SEMA5A: variants seen among roughly 807,000 people sequenced by gnomAD.
The protein encoded by SEMA5A is semaphorin 5A, also known as semaphorin-5A.
In SEMA5A, 55 loss-of-function variants were observed where a neutral mutation model predicts 135.5. That is an observed-to-expected ratio of 0.41 (90% CI 0.33 to 0.51). The LOEUF (loss-of-function observed/expected upper bound fraction) is 0.51, where lower values mean the gene tolerates loss of function less well. SEMA5A is among the 20% of genes least tolerant of loss of function. The pLI, the probability that SEMA5A is intolerant of heterozygous loss-of-function variation, is 0.37. For synonymous variants in SEMA5A, 580 were observed against 546.5 expected, an observed-to-expected ratio of 1.06 and a Z score of -0.85; for missense variants, 1,290 against 1,419.9, an observed-to-expected ratio of 0.91 and a Z score of 1.47.
At chr5:9,428,109 T>TTC in intron 2 of SEMA5A, among the ~76,000 whole-genome samples, 3 of 130,894 alleles carry the variant, frequency 2.3e-5, no homozygotes, top group Admixed American at 7.5e-5. Flanking sequence ...TATATATATA[T>TTC]ATATATATTC....
chr5:9,305,107 G>A (rs1751796741), intron 5 of SEMA5A, among the ~76,000 whole-genome samples: 2 of 151,910 alleles, frequency 1.3e-5, no homozygotes, highest in African/African-American at 4.8e-5. Flanking sequence ...CCTCATCCCA[G>A]GAATATTTTT....
At position 9,210,396 on chromosome 5, in the gene SEMA5A, T is replaced by G. The variant is rs555945841; in HGVS notation, c.647-8156A>C. ...CCACACTTTTGTACCCATAAAGGTC[T>G]GCATTAAATTACCACACAGGCTTTT... On this transcript the variant is annotated intron_variant, in intron 8 of 22. Coordinates refer to ENST00000382496, the MANE Select transcript of SEMA5A (RefSeq NM_003966.3). 2.0e-5 allele frequency among the ~76,000 whole-genome samples: 3 copies of G among 152,326 alleles called. No homozygotes were observed. The South Asian group carries it at 6.2e-4, about 32-fold the overall frequency.
intron 18 of SEMA5A, among the ~76,000 whole-genome samples, chr5:9,059,121 T>A (rs1297547614): frequency 6.6e-6 from 1 of 152,182 alleles, no homozygotes; most frequent in Non-Finnish European, 1.5e-5. Context: ...TTAAGTCTGA[T>A]GAAAAGAGTT....
chr5:9,396,587 C>G (rs1756412819), intron 2 of SEMA5A, among the ~76,000 whole-genome samples: 1 of 152,122 alleles, frequency 6.6e-6, no homozygotes, highest in South Asian at 2.1e-4. Context: ...AATGTTCCCC[C>G]TACCTAAAGC....
At chr5:9,081,013 A>G (rs1218783665) in intron 16 of SEMA5A, among the ~76,000 whole-genome samples, 1 of 152,226 alleles carries the variant, frequency 6.6e-6, no homozygotes, top group African/African-American at 2.4e-5. Flanking sequence ...GTACCTTACT[A>G]GAAAGAGATT....
chr5:9,177,559 G>A (rs758236622), intron 11 of SEMA5A, among the ~76,000 whole-genome samples: 6 of 152,156 alleles, frequency 3.9e-5, no homozygotes, highest in South Asian at 2.1e-4. Context: ...CTTGGCCTTC[G>A]TTGAAGATTG....
At chr5:9,049,663 T>G (rs2150038837) in intron 21 of SEMA5A, among the ~76,000 whole-genome samples, 1 of 152,310 alleles carries the variant, frequency 6.6e-6, no homozygotes, top group East Asian at 1.9e-4. Flanking sequence ...ATGTGGAAGT[T>G]AAGGTCTCAA....
At chr5:9,186,801 T>C (rs1279978069) in intron 11 of SEMA5A, among the ~76,000 whole-genome samples, 4 of 152,216 alleles carry the variant, frequency 2.6e-5, no homozygotes, top group Non-Finnish European at 5.9e-5. Context: ...ACCTAAAATA[T>C]TATGTTTTCT....
chr5:9,259,176 G>A (rs1237491410), intron 5 of SEMA5A, among the ~76,000 whole-genome samples: 1 of 152,118 alleles, frequency 6.6e-6, no homozygotes, highest in Non-Finnish European at 1.5e-5. Flanking sequence ...TTTGCTATCT[G>A]CCTTTCACTT....
intron 18 of SEMA5A, among the ~76,000 whole-genome samples, chr5:9,061,962 T>G (rs1737204688): frequency 6.6e-6 from 1 of 151,452 alleles, no homozygotes; most frequent in African/African-American, 2.4e-5. Context: ...GGAGGCCATG[T>G]GGGGGAGGGC....
At chr5:9,286,653 C>T (rs1750810139) in intron 5 of SEMA5A, among the ~76,000 whole-genome samples, 1 of 152,118 alleles carries the variant, frequency 6.6e-6, no homozygotes, top group African/African-American at 2.4e-5. Flanking sequence ...GTTCCTTATT[C>T]ATATGTTTTT....
chr5:9,471,857 C>T (rs1759489765), intron 1 of SEMA5A, among the ~76,000 whole-genome samples: 1 of 152,192 alleles, frequency 6.6e-6, no homozygotes, highest in African/African-American at 2.4e-5. Flanking sequence ...ATTAAATGCT[C>T]TGTGGTATGC....
chr5:9,308,446 C>T (rs1751974944), intron 5 of SEMA5A, among the ~76,000 whole-genome samples: 1 of 152,094 alleles, frequency 6.6e-6, no homozygotes, highest in African/African-American at 2.4e-5. Context: ...CGGGTTGAGG[C>T]TATACTCCAG....
chr5:9,472,151 A>G lies in SEMA5A; in HGVS notation c.-174-34299T>C, dbSNP rs180694881. 1.7e-4 allele frequency among the ~76,000 whole-genome samples: 26 copies of G among 152,316 alleles called. No individual in the cohort carries two copies. In the East Asian group the frequency reaches 3.1e-3, roughly 18 times the overall value. The stretch of plus-strand genomic sequence containing the variant: ...TATTGACTATTGACTCATTGCTTCT[A>G]TCTCTCAAATACACACAACCAATCA... On this transcript the variant is annotated intron_variant, in intron 1 of 22. Coordinates refer to ENST00000382496, the MANE Select transcript of SEMA5A (RefSeq NM_003966.3).
chr5:9,483,474 CAAA>C (rs951137969), intron 1 of SEMA5A, among the ~76,000 whole-genome samples: 2 of 152,262 alleles, frequency 1.3e-5, no homozygotes, highest in African/African-American at 4.8e-5. Context: ...CCAGGCATAA[CAAA>C]AGCCTGAACA....
chr5:9,189,057 T>C (rs780099173), intron 11 of SEMA5A, among the ~76,000 whole-genome samples: 17 of 152,252 alleles, frequency 1.1e-4, no homozygotes, highest in Non-Finnish European at 2.2e-4. Context: ...TGCCTGCCAC[T>C]GGCCAGTCCC....
At chr5:9,471,862 G>A (rs1323660213) in intron 1 of SEMA5A, among the ~76,000 whole-genome samples, 1 of 152,170 alleles carries the variant, frequency 6.6e-6, no homozygotes, top group African/African-American at 2.4e-5. Flanking sequence ...ATGCTCTGTG[G>A]TATGCTTTTA....
intron 4 of SEMA5A, among the ~76,000 whole-genome samples, chr5:9,335,086 G>T (rs1753323874): frequency 6.6e-6 from 1 of 152,048 alleles, no homozygotes; most frequent in Admixed American, 6.5e-5. Context: ...CTCTAGGGAC[G>T]CTGGGATGGA....
At chr5:9,401,337 G>C (rs1357264354) in intron 2 of SEMA5A, among the ~76,000 whole-genome samples, 2 of 152,138 alleles carry the variant, frequency 1.3e-5, no homozygotes, top group Non-Finnish European at 2.9e-5. Context: ...TGAAGACAAA[G>C]GGTCTAGTGC....
Sources: gnomAD v4.1 joint callset for allele counts (sites outside exome capture counted in the v4.1 genomes callset) on GRCh38, gnomAD v4.1.1 for gene constraint, MANE v1.5 for transcripts, NCBI Gene and HGNC (gene_info 2026-07-23, HGNC 2026-07-21) for gene names.